RNF103: variants seen among roughly 807,000 people sequenced by gnomAD.
The protein encoded by RNF103 is ring finger protein 103.
In RNF103, 23 loss-of-function variants were observed where a neutral mutation model predicts 66.2. The observed-to-expected ratio is 0.35, with a 90% CI of 0.25 to 0.49. RNF103 has a LOEUF of 0.49. Ranked by LOEUF, RNF103 falls within the 20% of genes least tolerant of loss-of-function variation. RNF103 has a pLI of 0.98. For missense variants in RNF103, 730 were observed against 814.7 expected, an observed-to-expected ratio of 0.90 and a Z score of 1.27; for synonymous variants, 297 against 289.9, an observed-to-expected ratio of 1.02 and a Z score of -0.25.
chr2:86,623,805 C>G lies in RNF103; in HGVS notation c.-919G>C, dbSNP rs1000985194. The stretch of plus-strand genomic sequence containing the variant: ...CAACACCCCCGCCACCTCCGGAGAC[C>G]GCGGCCGTACCCTCCACAACCGTGT... On this transcript the variant is annotated 5_prime_UTR_variant, in exon 1 of 4. Transcript: ENST00000237455. 2.3e-6 allele frequency: 3 copies of G among 1,282,836 alleles called. No homozygotes were observed. The highest frequency in any genetic ancestry group is 3.1e-5 in the African/African-American group (2 of 64,306). 79.5% of individuals were successfully genotyped at this position (1,282,836 alleles called of 1,614,324 possible).
Position 86,603,818 on chromosome 2 carries a change from C to T in RNF103, c.*25G>A. 1 of 1,581,190 alleles carries T rather than the reference C, an allele frequency of 6.3e-7. No homozygotes were observed. The highest frequency in any genetic ancestry group is 8.6e-7 in the Non-Finnish European group (1 of 1,166,200). ...AAGGCAAGCTGTAAGATACTCAAAG[C>T]TTATAAAGGACAAATTGCACATGGT... is the stretch of plus-strand genomic sequence containing the variant. On this transcript the variant is annotated 3_prime_UTR_variant, in exon 4 of 4. Coordinates refer to ENST00000237455, the MANE Select transcript of RNF103 (RefSeq NM_005667.4).
At chr2:86,619,151 G>A (rs928888678) in intron 2 of RNF103, among the ~76,000 whole-genome samples, 2 of 152,068 alleles carry the variant, frequency 1.3e-5, no homozygotes, top group South Asian at 2.1e-4. Flanking sequence ...TTGAGGCCAC[G>A]TGCAACAGAA....
intron 3 of RNF103, among the ~76,000 whole-genome samples, chr2:86,609,535 C>T (rs1211346948): frequency 5.3e-5 from 8 of 151,816 alleles, no homozygotes; most frequent in Non-Finnish European, 7.4e-5. Context: ...TACAGGCACC[C>T]GCCACCACGC....
chr2:86,619,831 G>A (rs1679157820), intron 2 of RNF103, among the ~76,000 whole-genome samples: 1 of 152,062 alleles, frequency 6.6e-6, no homozygotes, highest in South Asian at 2.1e-4. Context: ...ATCATCCTGA[G>A]TTACGTAATG....
chr2:86,611,405 T>C (rs958915027), intron 3 of RNF103, among the ~76,000 whole-genome samples: 26 of 152,164 alleles, frequency 1.7e-4, no homozygotes, highest in African/African-American at 5.8e-4. Flanking sequence ...GGAGGTATAG[T>C]AATGGTTTAG....
At chr2:86,617,261 AAC>A in intron 2 of RNF103, 1 of 985,440 alleles carries the variant, frequency 1.0e-6, no homozygotes, top group Non-Finnish European at 1.2e-6. Flanking sequence ...CATTTATGAA[AAC>A]ACTCCTCATA....
chr2:86,620,704 A>C (rs540665557), intron 1 of RNF103, among the ~76,000 whole-genome samples: 2 of 152,316 alleles, frequency 1.3e-5, no homozygotes, highest in African/African-American at 4.8e-5. Context: ...ACAAAAATCC[A>C]TCTCTTATAG....
In RNF103 at chr2:86,604,262, A is replaced by G. The variant is rs1678457029; in HGVS notation, c.1639T>C (p.Leu547=). 2.5e-6 allele frequency: 4 copies of G among 1,614,084 alleles called. No individual in the cohort carries two copies. Among genetic ancestry groups the G allele is most frequent in the Non-Finnish European group, 1.7e-6 (2 of 1,180,014 alleles). ...TCAAATACTTCCTTCTCACTACTCAAAGTGTCTGTGTTCTCACTTTCCGAG... is the reference window on the plus strand; with the variant it reads ...TCAAATACTTCCTTCTCACTACTCAGAGTGTCTGTGTTCTCACTTTCCGAG... ...NDSESENTDT[L]SSEKEVFEDK... Residue 547 remains leucine (L), a synonymous_variant, in exon 4 of 4, where the codon TTG becomes CTG. Transcript: ENST00000237455.
At position 86,622,844 on chromosome 2, in the gene RNF103, G is replaced by C. The variant is rs933286365; in HGVS notation, c.43C>G (p.Leu15Val). ...LFFLLLYFLV[L>V]FVLARFFEAI... ...TCAAAAAACCTGGCCAGGACGAACA[G>C]GACCAGGAAATAGAGGAGCAAGAAA... The change falls in exon 1 of 4, where the codon CTG becomes GTG. Residue 15 changes from leucine (L) to valine (V), a missense_variant. Coordinates refer to ENST00000237455, the MANE Select transcript of RNF103 (RefSeq NM_005667.4). The C allele has an allele frequency of 3.1e-6, 5 of 1,613,760 alleles. No individual in the cohort carries two copies. The highest frequency in any genetic ancestry group is 4.2e-6 in the Non-Finnish European group (5 of 1,179,896).
intron 3 of RNF103, among the ~76,000 whole-genome samples, chr2:86,607,125 AGTT>A (rs1678600705): frequency 6.6e-6 from 1 of 152,308 alleles, no homozygotes; most frequent in East Asian, 1.9e-4. Context: ...ACCTCAATAA[AGTT>A]GTAAAAAAGA....
At chr2:86,615,540 T>TATATATA (rs1287982835) in intron 2 of RNF103, among the ~76,000 whole-genome samples, 10 of 126,908 alleles carry the variant, frequency 7.9e-5, no homozygotes, top group South Asian at 5.2e-4. Context: ...ATATATATAA[T>TATATATA]ATATATACAC....
In RNF103 at chr2:86,623,024, C is replaced by A. The variant is rs1259422875; in HGVS notation, c.-138G>T. Reference sequence around the variant, plus strand: ...CGGGCCACCCGGCGCCGTCACTGGCCGGCCATCCCCGGCGGGGAAGCAGGT... The same window carrying A: ...CGGGCCACCCGGCGCCGTCACTGGCAGGCCATCCCCGGCGGGGAAGCAGGT... On this transcript the variant is annotated 5_prime_UTR_variant, in exon 1 of 4. Coordinates refer to ENST00000237455, the MANE Select transcript of RNF103 (RefSeq NM_005667.4). 7.4e-7 allele frequency: 1 copy of A among 1,352,388 alleles called. No homozygotes were observed. Among genetic ancestry groups the A allele is most frequent in the Non-Finnish European group, 9.4e-7 (1 of 1,058,454 alleles). The allele number at this position is 1,352,388 out of a possible 1,614,324, so 83.8% of individuals were successfully genotyped here. A position where few individuals can be genotyped will look rare whatever the true frequency, so the allele number is the denominator to read the frequency against.
intron 1 of RNF103, among the ~76,000 whole-genome samples, chr2:86,622,438 C>T (rs992825311): frequency 5.3e-5 from 8 of 152,154 alleles, no homozygotes; most frequent in African/African-American, 1.9e-4. Context: ...TGTCATTTTA[C>T]GATAACCTTA....
Position 86,620,326 on chromosome 2 carries a change from A to C in RNF103, c.366+4T>G, listed in dbSNP as rs770388663. 9 of 1,587,760 alleles carry C rather than the reference A, an allele frequency of 5.7e-6. No individual in the cohort carries two copies. Among genetic ancestry groups the C allele is most frequent in the Non-Finnish European group, 7.7e-6 (9 of 1,163,608 alleles). On this transcript the variant is annotated splice_donor_region_variant and intron_variant, in intron 2 of 3. Transcript: ENST00000237455. Reference sequence around the variant, plus strand: ...AATTATCAAATTATTACTGCTTTTCATACCTGAACCAGCCAGATGCCATCT... The same window carrying C: ...AATTATCAAATTATTACTGCTTTTCCTACCTGAACCAGCCAGATGCCATCT...
intron 2 of RNF103, chr2:86,616,745 A>G (rs1679038964): frequency 1.4e-5 from 14 of 985,448 alleles, no homozygotes; most frequent in Middle Eastern, 5.2e-4. Context: ...TTTAAATTCC[A>G]TATGATGTAA....
At chr2:86,616,354 T>C in intron 2 of RNF103, 2 of 444,518 alleles carry the variant, frequency 4.5e-6, no homozygotes, top group Non-Finnish European at 6.0e-6. Flanking sequence ...ACTTTCAAAA[T>C]CATAAGCCAA....
chr2:86,610,696 T>A (rs1678755588), intron 3 of RNF103, among the ~76,000 whole-genome samples: 1 of 152,126 alleles, frequency 6.6e-6, no homozygotes, highest in African/African-American at 2.4e-5. Flanking sequence ...ATTGGGTATT[T>A]TAAAAGAAAA....
chr2:86,622,100 C>T (rs757213851), intron 1 of RNF103, among the ~76,000 whole-genome samples: 3 of 152,044 alleles, frequency 2.0e-5, no homozygotes, highest in Non-Finnish European at 2.9e-5. Context: ...ACAAAATGCT[C>T]GCCTTATTTT....
chr2:86,616,363 A>C lies in RNF103; in HGVS notation c.366+3967T>G, dbSNP rs984639685. The C allele has an allele frequency of 8.1e-6, 4 of 496,290 alleles. No homozygotes were observed. In the African/African-American group the frequency reaches 8.4e-5, roughly 10 times the overall value. The allele number at this position is 496,290 out of a possible 1,614,324, so 30.7% of individuals were successfully genotyped here. On this transcript the variant is annotated intron_variant, in intron 2 of 3. Transcript: ENST00000237455. ...GTCTCTACTTTCAAAATCATAAGCC[A>C]ACCTAGTATATACATGCAAACTATA... is the stretch of plus-strand genomic sequence containing the variant.
Sources: allele counts gnomAD v4.1 joint callset (sites outside exome capture counted in the v4.1 genomes callset), GRCh38; gene constraint gnomAD v4.1.1; transcripts MANE v1.5; gene names NCBI Gene and HGNC (gene_info 2026-07-23, HGNC 2026-07-21).